Variants in KHDRBS2 observed in about 807,000 individuals in gnomAD.
KHDRBS2 encodes KH domain-containing, RNA-binding, signal transduction-associated protein 2.
In KHDRBS2, 26 loss-of-function variants were observed where a neutral mutation model predicts 44.3. The ratio of observed to expected loss-of-function variants is 0.59; its 90% CI spans 0.43 to 0.81. KHDRBS2 has a LOEUF of 0.81. Among genes scored for constraint, KHDRBS2 ranks in the 40% least tolerant of loss-of-function variants. The pLI, the probability that KHDRBS2 is intolerant of heterozygous loss-of-function variation, is 0.00. For missense variants in KHDRBS2, 476 were observed against 433.1 expected, an observed-to-expected ratio of 1.10 and a Z score of -0.88; for synonymous variants, 194 against 151.1, an observed-to-expected ratio of 1.28 and a Z score of -2.08.
At chr6:62,023,491 T>C (rs1264128358) in intron 3 of KHDRBS2, among the ~76,000 whole-genome samples, 3 of 151,648 alleles carry the variant, frequency 2.0e-5, no homozygotes, top group Non-Finnish European at 3.0e-5. Context: ...GTTTCTTGTT[T>C]AGCTAAGAGA....
chr6:62,148,541 C>T (rs1196171721), intron 2 of KHDRBS2, among the ~76,000 whole-genome samples: 6 of 151,898 alleles, frequency 4.0e-5, no homozygotes, highest in Admixed American at 3.9e-4. Context: ...AGGAAAAAGT[C>T]AAGCTGAGAA....
intron 6 of KHDRBS2, among the ~76,000 whole-genome samples, chr6:61,764,854 C>A (rs928826013): frequency 1.4e-4 from 22 of 151,968 alleles, no homozygotes; most frequent in African/African-American, 4.6e-4. Flanking sequence ...ATGATAGTTT[C>A]TTTTGCTGTG....
At chr6:61,622,634 A>G in the KHDRBS2 span, among the ~76,000 whole-genome samples, 1 of 152,212 alleles carries the variant, frequency 6.6e-6, no homozygotes, top group Admixed American at 6.5e-5. Flanking sequence ...AGGGGCAGTT[A>G]GAAGCCTGGG....
At chr6:62,067,716 C>A (rs1794076381) in intron 2 of KHDRBS2, among the ~76,000 whole-genome samples, 1 of 151,456 alleles carries the variant, frequency 6.6e-6, no homozygotes, top group Non-Finnish European at 1.5e-5. Flanking sequence ...AAATCCCATA[C>A]TTAATACTAG....
intron 3 of KHDRBS2, among the ~76,000 whole-genome samples, chr6:62,013,682 T>A (rs1045989134): frequency 5.3e-5 from 8 of 152,190 alleles, no homozygotes; most frequent in African/African-American, 1.9e-4. Flanking sequence ...GGAAACGCTA[T>A]GTTAGCCATG....
chr6:61,847,290 T>C (rs1373590112), intron 6 of KHDRBS2, among the ~76,000 whole-genome samples: 1 of 152,160 alleles, frequency 6.6e-6, no homozygotes, highest in Non-Finnish European at 1.5e-5. Context: ...TTGTAAATAC[T>C]TTATCCACTC....
At chr6:62,006,214 C>T (rs1779180347) in intron 3 of KHDRBS2, among the ~76,000 whole-genome samples, 1 of 151,908 alleles carries the variant, frequency 6.6e-6, no homozygotes, top group Non-Finnish European at 1.5e-5. Flanking sequence ...TATGCATGAA[C>T]TACAGAGACT....
chr6:62,022,240 G>T (rs1242938430), intron 3 of KHDRBS2, among the ~76,000 whole-genome samples: 1 of 151,534 alleles, frequency 6.6e-6, no homozygotes. Flanking sequence ...AAATAAAGAA[G>T]TAAAAATGTT....
chr6:61,819,161 A>T (rs985203567), intron 6 of KHDRBS2, among the ~76,000 whole-genome samples: 1 of 151,962 alleles, frequency 6.6e-6, no homozygotes, highest in African/African-American at 2.4e-5. Context: ...GAAAGGCAGG[A>T]GGTATTTAAT....
At chr6:62,132,271 A>G (rs1271107257) in intron 2 of KHDRBS2, among the ~76,000 whole-genome samples, 2 of 152,210 alleles carry the variant, frequency 1.3e-5, no homozygotes, top group African/African-American at 2.4e-5. Flanking sequence ...CTTAAAACAA[A>G]ATGTACACAT....
chr6:62,126,814 A>G (rs756866467), intron 2 of KHDRBS2, among the ~76,000 whole-genome samples: 1 of 152,178 alleles, frequency 6.6e-6, no homozygotes, highest in Non-Finnish European at 1.5e-5. Context: ...CTACTGATGT[A>G]ATAGTTATTT....
chr6:61,874,032 CTATA>C (rs1429179615), intron 6 of KHDRBS2, among the ~76,000 whole-genome samples: 8 of 151,722 alleles, frequency 5.3e-5, no homozygotes, highest in East Asian at 3.9e-4. Flanking sequence ...TGAACTCTCT[CTATA>C]TATAATTCTT....
chr6:62,166,888 T>C (rs1818806462), intron 2 of KHDRBS2, among the ~76,000 whole-genome samples: 1 of 152,070 alleles, frequency 6.6e-6, no homozygotes, highest in Non-Finnish European at 1.5e-5. Context: ...AGAAGCTTAC[T>C]GAAGGCTCAC....
At chr6:61,741,132 C>T (rs1285922176) in intron 6 of KHDRBS2, among the ~76,000 whole-genome samples, 3 of 151,794 alleles carry the variant, frequency 2.0e-5, no homozygotes, top group Non-Finnish European at 4.4e-5. Context: ...AATCCCCATG[C>T]CAATGTTTTT....
intron 6 of KHDRBS2, among the ~76,000 whole-genome samples, chr6:61,787,606 C>T (rs1233253127): frequency 1.3e-5 from 2 of 151,648 alleles, no homozygotes; most frequent in African/African-American, 4.8e-5. Context: ...TTTGTTTTGG[C>T]TTTTTTACTT....
At chr6:62,001,913 A>C (rs978493781) in intron 3 of KHDRBS2, among the ~76,000 whole-genome samples, 1 of 152,086 alleles carries the variant, frequency 6.6e-6, no homozygotes, top group African/African-American at 2.4e-5. Flanking sequence ...CTTTTACTGA[A>C]AGAAGGTTAT....
At chr6:61,932,617 G>A (rs979642426) in intron 4 of KHDRBS2, among the ~76,000 whole-genome samples, 1 of 152,152 alleles carries the variant, frequency 6.6e-6, no homozygotes, top group African/African-American at 2.4e-5. Flanking sequence ...TGGCTAACAC[G>A]GTGAAAACCC....
At chr6:62,052,558 T>G (rs1198716495) in intron 2 of KHDRBS2, among the ~76,000 whole-genome samples, 2 of 136,094 alleles carry the variant, frequency 1.5e-5, no homozygotes, top group Non-Finnish European at 3.1e-5. Flanking sequence ...TCAACCTTTT[T>G]GGCACCAGGG....
chr6:61,891,510 A>G (rs1801834650), intron 6 of KHDRBS2, among the ~76,000 whole-genome samples: 1 of 152,140 alleles, frequency 6.6e-6, no homozygotes, highest in Non-Finnish European at 1.5e-5. Context: ...AAGGAATGGT[A>G]CCAGCTCCTC....
Sources: gnomAD v4.1 joint callset for allele counts (sites outside exome capture counted in the v4.1 genomes callset) on GRCh38, gnomAD v4.1.1 for gene constraint, MANE v1.5 for transcripts, NCBI Gene and HGNC (gene_info 2026-07-23, HGNC 2026-07-21) for gene names.